The following NCOA3 variants were observed in gnomAD, a reference collection of about 807,000 sequenced individuals.
NCOA3 encodes CBP-interacting protein.
Under a neutral mutation model 158.8 loss-of-function variants are expected in NCOA3, and 51 were observed. The ratio of observed to expected loss-of-function variants is 0.32; its 90% confidence interval spans 0.26 to 0.41. The LOEUF is 0.41. NCOA3 is among the 10% of genes least tolerant of loss of function. The probability of loss-of-function intolerance (pLI) is 1.00; values close to 1 mark genes in which losing one functional copy is unlikely to be tolerated. For synonymous variants in NCOA3, 537 were observed against 592.4 expected, an observed-to-expected ratio of 0.91 and a Z score of 1.36; for missense variants, 1,510 against 1,746.6, an observed-to-expected ratio of 0.86 and a Z score of 2.41.
At chr20:47,558,114 A>G (rs6012210) in intron 1 of NCOA3, among the ~76,000 whole-genome samples, 18,885 of 149,294 alleles carry the variant, frequency 0.13, 1,644 homozygotes, top group African/African-American at 0.23. Context: ...CTCGAGTGCA[A>G]CGGCGCAATC....
At position 47,647,048 on chromosome 20, in the gene NCOA3, T is replaced by G. The variant is rs202240563; in HGVS notation, c.3253-25T>G. On this transcript the variant is annotated intron_variant, in intron 17 of 22. Transcript: ENST00000371998. ...TGTTGCTTTCATAGATGTTCTTCAC[T>G]GTTCTTTTATGTGTTGTGTTTAAGG... 5.5e-5 allele frequency: 88 copies of G among 1,591,662 alleles called. No homozygotes were observed. The East Asian group carries it at 1.1e-3, about 19-fold the overall frequency.
chr20:47,537,276 T>TA (rs1250676580), intron 1 of NCOA3, among the ~76,000 whole-genome samples: 1 of 152,184 alleles, frequency 6.6e-6, no homozygotes, highest in African/African-American at 2.4e-5. Flanking sequence ...GCTTTTCAGT[T>TA]ACGTTCTTTA....
chr20:47,509,025 G>C lies in NCOA3; in HGVS notation c.-99+7006G>C, dbSNP rs72661177. ...TACAATGCTCTTTTACTTAAATTTT[G>C]TTGATTGAACATAAATGAATTAAGC... On this transcript the variant is annotated intron_variant, in intron 1 of 22. Transcript: ENST00000371998. 5.9e-3 allele frequency among the ~76,000 whole-genome samples: 894 copies of C among 152,226 alleles called. 9 individuals carry two copies. The highest frequency in any genetic ancestry group is 0.01 in the Non-Finnish European group (683 of 68,012).
chr20:47,539,690 T>C (rs1467677485), intron 1 of NCOA3, among the ~76,000 whole-genome samples: 1 of 152,174 alleles, frequency 6.6e-6, no homozygotes, highest in Non-Finnish European at 1.5e-5. Flanking sequence ...TTTCATCAAG[T>C]TTAAGATACC....
At chr20:47,549,222 G>C (rs1602386114) in intron 1 of NCOA3, among the ~76,000 whole-genome samples, 1 of 151,658 alleles carries the variant, frequency 6.6e-6, no homozygotes, top group East Asian at 1.9e-4. Context: ...TATTAACTTT[G>C]TAATAAAAAA....
chr20:47,554,076 T>G (rs1254904418), intron 1 of NCOA3, among the ~76,000 whole-genome samples: 1 of 152,240 alleles, frequency 6.6e-6, no homozygotes, highest in African/African-American at 2.4e-5. Flanking sequence ...TCGTGACTTT[T>G]TAATGACTGC....
rs533002634 is a variant in NCOA3, at chr20:47,651,345, T to C, written c.3946+69T>C. 357 of 1,526,224 alleles carry C rather than the reference T, an allele frequency of 2.3e-4. 5 individuals carry two copies. In the Middle Eastern group the frequency reaches 2.8e-3, roughly 12 times the overall value. The allele number at this position is 1,526,224 out of a possible 1,614,324, so 94.5% of individuals were successfully genotyped here. A position where few individuals can be genotyped will look rare whatever the true frequency, so the allele number is the denominator to read the frequency against. The stretch of plus-strand genomic sequence containing the variant: ...CTAAGGACATAAGCTTCATTACATT[T>C]ATTGCACATGAAAGACAAAAACACG... On this transcript the variant is annotated intron_variant, in intron 20 of 22. Transcript: ENST00000371998.
chr20:47,616,769 G>T (rs935387104), intron 2 of NCOA3, among the ~76,000 whole-genome samples: 3 of 152,132 alleles, frequency 2.0e-5, no homozygotes, highest in Non-Finnish European at 4.4e-5. Context: ...TCTTGGAAGT[G>T]CATTAGAGGT....
intron 1 of NCOA3, among the ~76,000 whole-genome samples, chr20:47,534,574 C>A (rs912107537): frequency 6.6e-6 from 1 of 152,074 alleles, no homozygotes; most frequent in Admixed American, 6.6e-5. Context: ...TATGAAAAAA[C>A]CTCAAAGTAA....
intron 2 of NCOA3, among the ~76,000 whole-genome samples, chr20:47,595,272 A>G (rs1455417546): frequency 1.3e-5 from 2 of 150,964 alleles, no homozygotes; most frequent in African/African-American, 4.9e-5. Context: ...CTAATTTTTT[A>G]TTTTTAGTAG....
chr20:47,552,947 T>A (rs555712733), intron 1 of NCOA3, among the ~76,000 whole-genome samples: 2 of 151,230 alleles, frequency 1.3e-5, no homozygotes, highest in East Asian at 1.9e-4. Context: ...TTTTTTTTTT[T>A]AAGACAGGGT....
chr20:47,584,731 A>G (rs201253395), intron 2 of NCOA3, among the ~76,000 whole-genome samples: 2 of 145,472 alleles, frequency 1.4e-5, no homozygotes, highest in Non-Finnish European at 3.0e-5. Flanking sequence ...TGAGGAGGAG[A>G]AAGAAGAGGA....
At chr20:47,514,276 G>T (rs2084194826) in intron 1 of NCOA3, among the ~76,000 whole-genome samples, 1 of 150,924 alleles carries the variant, frequency 6.6e-6, no homozygotes, top group Non-Finnish European at 1.5e-5. Flanking sequence ...ATGGATTTAG[G>T]TCCATAACAG....
chr20:47,612,757 A>G (rs1475137368), intron 2 of NCOA3, among the ~76,000 whole-genome samples: 1 of 152,238 alleles, frequency 6.6e-6, no homozygotes, highest in Non-Finnish European at 1.5e-5. Flanking sequence ...CCTTTAAAAC[A>G]AAAGAGTTAC....
At chr20:47,651,896 G>T (rs1020160981) in intron 20 of NCOA3, among the ~76,000 whole-genome samples, 66 of 151,906 alleles carry the variant, frequency 4.3e-4, no homozygotes, top group Non-Finnish European at 5.9e-5. Context: ...TCGATCTCCT[G>T]ACCTCGTGAT....
intron 1 of NCOA3, among the ~76,000 whole-genome samples, chr20:47,567,338 A>C (rs963746784): frequency 2.0e-5 from 3 of 149,314 alleles, no homozygotes; most frequent in Non-Finnish European, 4.5e-5. Flanking sequence ...GAGCCACTGC[A>C]CTCGGTTGTA....
intron 1 of NCOA3, among the ~76,000 whole-genome samples, chr20:47,580,022 A>C (rs889036003): frequency 1.3e-5 from 2 of 152,180 alleles, no homozygotes; most frequent in Non-Finnish European, 2.9e-5. Context: ...TTGATCATTT[A>C]GATTCCACCC....
chr20:47,634,272 G>A (rs551969028), intron 10 of NCOA3, 77 bp downstream of exon 10: 264 of 1,439,792 alleles, frequency 1.8e-4, no homozygotes, highest in African/African-American at 1.6e-3. Context: ...AAGTAAAAAG[G>A]GAAGGGATAA....
At chr20:47,502,928 T>A (rs2146034087) in intron 1 of NCOA3, among the ~76,000 whole-genome samples, 1 of 152,252 alleles carries the variant, frequency 6.6e-6, no homozygotes, top group South Asian at 2.1e-4. Flanking sequence ...CCAAATGGAA[T>A]GACACGGAAG....
Sources: allele counts gnomAD v4.1 joint callset (sites outside exome capture counted in the v4.1 genomes callset), GRCh38; gene constraint gnomAD v4.1.1; transcripts MANE v1.5; gene names NCBI Gene and HGNC (gene_info 2026-07-23, HGNC 2026-07-21).